RTN4IP1: variants seen among roughly 807,000 people sequenced by gnomAD.
The protein encoded by RTN4IP1 is NAD(P)H oxidoreductase RTN4IP1, mitochondrial.
In RTN4IP1, 32 loss-of-function variants were observed where a neutral mutation model predicts 46.6. The observed-to-expected ratio is 0.69, with a 90% CI of 0.52 to 0.92. The LOEUF is 0.92. RTN4IP1 is among the 40% of genes least tolerant of loss of function. The pLI is 0.00. For synonymous variants in RTN4IP1, 167 were observed against 161.8 expected, an observed-to-expected ratio of 1.03 and a Z score of -0.24; for missense variants, 424 against 485.8, an observed-to-expected ratio of 0.87 and a Z score of 1.20.
Position 106,621,183 on chromosome 6 carries a change from A to T in RTN4IP1, c.495+242T>A, listed in dbSNP as rs1348288637. ...CTAGGGTAAAACCAAGCAACACAGC[A>T]GGGTTCTAGGTCTCATTCCAAATCC... On this transcript the variant is annotated intron_variant, in intron 3 of 8. Coordinates refer to ENST00000369063, the MANE Select transcript of RTN4IP1 (RefSeq NM_032730.5). Among the ~76,000 whole-genome samples the T allele has an allele frequency of 7.0e-5, 7 of 100,252 alleles. No individual in the cohort carries two copies. In the East Asian group the frequency reaches 1.9e-3, roughly 27 times the overall value. The allele number at this position is 100,252 out of a possible 152,430, so 65.8% of individuals were successfully genotyped here.
In RTN4IP1 at chr6:106,622,820, C is replaced by G; in HGVS notation, c.424G>C (p.Glu142Gln). ...LDVKYFKPGDEVWAAVPPWKQ... is the reference protein window; with the variant it reads ...LDVKYFKPGDQVWAAVPPWKQ... ...AATAGTGGCATTCCCTAACTCACCT[C>G]ATCTCCAGGCTTGAAGTATTTCACA... Residue 142 changes from glutamate (E) to glutamine (Q), a missense_variant and splice_region_variant, in exon 2 of 9, where the codon GAG (glutamate) becomes CAG (glutamine). Glu to Gln is a conservative substitution (Grantham distance 29). Coordinates refer to ENST00000369063, the MANE Select transcript of RTN4IP1 (RefSeq NM_032730.5). 6.2e-7 allele frequency: 1 copy of G among 1,612,588 alleles called. No individual in the cohort carries two copies. Among genetic ancestry groups the G allele is most frequent in the Non-Finnish European group, 8.5e-7 (1 of 1,179,160 alleles).
At chr6:106,629,722 C>G, upstream of RTN4IP1, 1 of 1,601,434 alleles carries the variant, frequency 6.2e-7, no homozygotes, top group South Asian at 1.1e-5. Flanking sequence ...GGAATTGGCC[C>G]GCTGAGGCCC....
At chr6:106,629,835 A>G, upstream of RTN4IP1, 1 of 1,119,208 alleles carries the variant, frequency 8.9e-7, no homozygotes. Context: ...TGAGTGGGGG[A>G]TAAGTACCTT....
chr6:106,570,971 A>G lies in RTN4IP1; in HGVS notation c.*1025T>C, dbSNP rs1323478676. ...GAAGTAAAAACACTTACCGTAAATG[A>G]ATATTCGAAGTGCACACTGCAATGG... On this transcript the variant is annotated 3_prime_UTR_variant, in exon 9 of 9. Transcript: ENST00000369063. The G allele has an allele frequency of 6.6e-6, 1 of 152,200 alleles. No homozygotes were observed. The highest frequency in any genetic ancestry group is 1.5e-5 in the Non-Finnish European group (1 of 68,036). 9.4% of individuals were successfully genotyped at this position (152,200 alleles called of 1,614,324 possible).
chr6:106,606,707 A>T (rs1776084961), intron 4 of RTN4IP1, among the ~76,000 whole-genome samples: 1 of 152,074 alleles, frequency 6.6e-6, no homozygotes, highest in Non-Finnish European at 1.5e-5. Flanking sequence ...CAGGAGTTCA[A>T]GACCAGCCTA....
chr6:106,605,642 T>C (rs376602827), intron 4 of RTN4IP1, among the ~76,000 whole-genome samples: 3 of 150,690 alleles, frequency 2.0e-5, no homozygotes, highest in East Asian at 1.9e-4. Flanking sequence ...TGAAATCCTG[T>C]CTCTACTAAA....
At chr6:106,622,790 G>C (rs112030542) in intron 2 of RTN4IP1, 28 bp downstream of exon 2, 2 of 1,597,456 alleles carry the variant, frequency 1.3e-6, no homozygotes, top group Non-Finnish European at 1.7e-6. Context: ...TTGGATCCCC[G>C]CAGGAATAGT....
In RTN4IP1 at chr6:106,571,856, G is replaced by A. The variant is rs889793679; in HGVS notation, c.*140C>T. ...TATATCAATTACTGGCCAAAATGGT[G>A]TGTTTATTTTTTAAAGCTTGTATCA... On this transcript the variant is annotated 3_prime_UTR_variant, in exon 9 of 9. Coordinates refer to ENST00000369063, the MANE Select transcript of RTN4IP1 (RefSeq NM_032730.5). 1.9e-5 allele frequency: 11 copies of A among 578,464 alleles called. No homozygotes were observed. The highest frequency in any genetic ancestry group is 4.5e-4 in the Middle Eastern group (1 of 2,210). The allele number at this position is 578,464 out of a possible 1,614,324, so 35.8% of individuals were successfully genotyped here.
chr6:106,615,707 G>T (rs1776335013), intron 4 of RTN4IP1, among the ~76,000 whole-genome samples: 3 of 152,198 alleles, frequency 2.0e-5, no homozygotes, highest in African/African-American at 7.2e-5. Flanking sequence ...TTCAGGCAGA[G>T]CATGAAATAT....
In RTN4IP1 at chr6:106,575,194, A is replaced by C. The variant is rs117803957; in HGVS notation, c.1084-3091T>G. Reference sequence around the variant, plus strand: ...GATGTTTATGTGATGACGCTGCTATAGTCCACCTGGCACAGGGAGCCCTGT... The same window carrying C: ...GATGTTTATGTGATGACGCTGCTATCGTCCACCTGGCACAGGGAGCCCTGT... On this transcript the variant is annotated intron_variant, in intron 8 of 8. Transcript: ENST00000369063. Among the ~76,000 whole-genome samples, 1,393 of 152,354 alleles carry C rather than the reference A, an allele frequency of 9.1e-3. 26 individuals are homozygous for C. The highest frequency in any genetic ancestry group is 8.9e-3 in the Non-Finnish European group (607 of 68,030).
At chr6:106,590,485 G>T (rs750421307) in intron 6 of RTN4IP1, among the ~76,000 whole-genome samples, 1 of 151,946 alleles carries the variant, frequency 6.6e-6, no homozygotes, top group Non-Finnish European at 1.5e-5. Context: ...GCAAGGCCGA[G>T]ACAGGTGGAT....
At chr6:106,584,071 T>C (rs1426073919) in intron 7 of RTN4IP1, among the ~76,000 whole-genome samples, 1 of 152,006 alleles carries the variant, frequency 6.6e-6, no homozygotes, top group African/African-American at 2.4e-5. Flanking sequence ...ACCAAGAGGG[T>C]TCATGACCAC....
At chr6:106,621,569 C>T in intron 2 of RTN4IP1, 76 bp from the exon 3 acceptor site, 1 of 1,183,436 alleles carries the variant, frequency 8.4e-7, no homozygotes, top group Non-Finnish European at 1.3e-6. Context: ...GAAAGTGTTC[C>T]CTAATATATA....
chr6:106,579,806 ATTGCCCTATG>A (rs1775314432), intron 8 of RTN4IP1, among the ~76,000 whole-genome samples: 2 of 150,432 alleles, frequency 1.3e-5, no homozygotes, highest in Non-Finnish European at 3.0e-5. Flanking sequence ...TTGAGATGGG[ATTGCCCTATG>A]TTGCCCAGGC....
intron 3 of RTN4IP1, among the ~76,000 whole-genome samples, chr6:106,620,435 C>T (rs1249036561): frequency 6.6e-6 from 1 of 152,112 alleles, no homozygotes; most frequent in Non-Finnish European, 1.5e-5. Flanking sequence ...GGTAAGGCTT[C>T]TGGGCAACAG....
chr6:106,615,863 T>A (rs1359482640), intron 4 of RTN4IP1, among the ~76,000 whole-genome samples: 3 of 152,182 alleles, frequency 2.0e-5, no homozygotes, highest in African/African-American at 7.2e-5. Context: ...GAACAAATCA[T>A]GAAGAAACTA....
Position 106,579,191 on chromosome 6 carries a change from G to A in RTN4IP1, c.1083+4137C>T, listed in dbSNP as rs151166213. On this transcript the variant is annotated intron_variant, in intron 8 of 8. Coordinates refer to ENST00000369063, the MANE Select transcript of RTN4IP1 (RefSeq NM_032730.5). ...ATGGAGGTTGCAGTGAGCCGAGATCGTGCCACTGCACTCCAGCATGGTGAC... is the reference window on the plus strand; with the variant it reads ...ATGGAGGTTGCAGTGAGCCGAGATCATGCCACTGCACTCCAGCATGGTGAC... Among the ~76,000 whole-genome samples the A allele has an allele frequency of 1.9e-3, 295 of 151,448 alleles. 1 individual carries two copies. Among genetic ancestry groups the A allele is most frequent in the Admixed American group, 3.2e-3 (49 of 15,224 alleles).
intron 5 of RTN4IP1, among the ~76,000 whole-genome samples, chr6:106,599,732 A>G (rs1775895277): frequency 6.6e-6 from 1 of 152,070 alleles, no homozygotes; most frequent in Non-Finnish European, 1.5e-5. Flanking sequence ...GGGAATTTTA[A>G]CAGGAATAGC....
chr6:106,572,011 T>A lies in RTN4IP1; in HGVS notation c.1176A>T (p.Val392=). The A allele has an allele frequency of 6.2e-7, 1 of 1,611,786 alleles. No homozygotes were observed. Among genetic ancestry groups the A allele is most frequent in the Non-Finnish European group, 8.5e-7 (1 of 1,178,016 alleles). The part of the protein sequence containing the change: ...VERGHARGKT[V]INVV ...GCATTTTTATTTAAACAACATTAAT[T>A]ACAGTCTTTCCTCGTGCGTGTCCTC... The change falls in exon 9 of 9, where the codon GTA becomes GTT. Residue 392 remains valine (V), a synonymous_variant. Coordinates refer to ENST00000369063, the MANE Select transcript of RTN4IP1 (RefSeq NM_032730.5).
Sources: allele counts gnomAD v4.1 joint callset (sites outside exome capture counted in the v4.1 genomes callset), GRCh38; gene constraint gnomAD v4.1.1; transcripts MANE v1.5; gene names NCBI Gene and HGNC (gene_info 2026-07-23, HGNC 2026-07-21).